Variants in FCHSD2 observed in about 807,000 individuals in gnomAD.
FCHSD2 encodes F-BAR and double SH3 domains protein 2.
Under a neutral mutation model 108.1 loss-of-function variants are expected in FCHSD2, and 38 were observed. The ratio of observed to expected loss-of-function variants is 0.35; its 90% confidence interval spans 0.27 to 0.46. The LOEUF (loss-of-function observed/expected upper bound fraction) is 0.46. FCHSD2 is among the 20% of genes least tolerant of loss of function. The pLI is 1.00. For synonymous variants in FCHSD2, 279 were observed against 314.7 expected, an observed-to-expected ratio of 0.89 and a Z score of 1.20; for missense variants, 751 against 897.8, an observed-to-expected ratio of 0.84 and a Z score of 2.09.
At chr11:72,853,749 T>C (rs1394389671) in intron 13 of FCHSD2, among the ~76,000 whole-genome samples, 2 of 151,964 alleles carry the variant, frequency 1.3e-5, no homozygotes, top group African/African-American at 4.8e-5. Flanking sequence ...AAATAAAAAA[T>C]ATGTATGCAT....
At chr11:72,923,937 C>T (rs1297356606) in intron 8 of FCHSD2, among the ~76,000 whole-genome samples, 2 of 152,024 alleles carry the variant, frequency 1.3e-5, no homozygotes, top group Non-Finnish European at 2.9e-5. Context: ...AAGACTCAGT[C>T]TCAGAAAATA....
At chr11:73,066,273 G>A (rs1859290362) in intron 3 of FCHSD2, among the ~76,000 whole-genome samples, 1 of 152,150 alleles carries the variant, frequency 6.6e-6, no homozygotes, top group South Asian at 2.1e-4. Context: ...AATAAATGTT[G>A]TTGGGAAAAC....
intron 3 of FCHSD2, chr11:73,077,772 T>C (rs1017696503): frequency 3.4e-6 from 1 of 294,192 alleles, no homozygotes; most frequent in African/African-American, 2.2e-5. Context: ...AGAGGGATTA[T>C]AAGGACACAC....
chr11:73,108,716 C>A (rs966555296), intron 2 of FCHSD2, among the ~76,000 whole-genome samples: 1 of 152,014 alleles, frequency 6.6e-6, no homozygotes, highest in African/African-American at 2.4e-5. Context: ...CTACAGGCGC[C>A]CGCCACCGCG....
At chr11:73,033,819 T>C (rs1236787394) in intron 3 of FCHSD2, among the ~76,000 whole-genome samples, 1 of 152,218 alleles carries the variant, frequency 6.6e-6, no homozygotes. Flanking sequence ...CTAGGTTAAG[T>C]AGGTTTTTTC....
intron 3 of FCHSD2, among the ~76,000 whole-genome samples, chr11:73,021,233 T>TAA (rs1183952789): frequency 1.2e-4 from 12 of 104,328 alleles, no homozygotes; most frequent in South Asian, 8.2e-4. Flanking sequence ...AAACATAGAA[T>TAA]AAAAAAAAAA....
rs754434724 is a variant in FCHSD2, at chr11:72,843,318, T to G, written c.1538A>C (p.Lys513Thr). The change falls in exon 16 of 20, where the codon AAA (lysine) becomes ACA (threonine). Residue 513 changes from lysine (K) to threonine (T), a missense_variant. Transcript: ENST00000409418. ...TGGCACATAACCCACTTGGCCAACT[T>G]TATTTCGAGCCTGGGTAAAAGACAT... ...DMEDWVKARN[K>T]VGQVGYVPEK... 2.5e-6 allele frequency: 4 copies of G among 1,613,414 alleles called. No homozygotes were observed. Among genetic ancestry groups the G allele is most frequent in the Middle Eastern group, 1.6e-4 (1 of 6,084 alleles).
chr11:73,137,561 T>C (rs976704017), intron 2 of FCHSD2, among the ~76,000 whole-genome samples: 1 of 152,188 alleles, frequency 6.6e-6, no homozygotes, highest in African/African-American at 2.4e-5. Context: ...GGTATAAAGA[T>C]ACAAAAATGA....
chr11:73,076,754 T>C (rs1859562292), intron 3 of FCHSD2, among the ~76,000 whole-genome samples: 1 of 152,162 alleles, frequency 6.6e-6, no homozygotes, highest in South Asian at 2.1e-4. Context: ...GGTGGGAAGC[T>C]ATAAATGAAC....
chr11:72,879,391 A>C (rs1855033649), intron 12 of FCHSD2, among the ~76,000 whole-genome samples: 1 of 152,210 alleles, frequency 6.6e-6, no homozygotes, highest in African/African-American at 2.4e-5. Flanking sequence ...ATTCAGTAAA[A>C]ACTTAGTAGG....
At chr11:72,947,113 C>A (rs1591425121) in intron 8 of FCHSD2, among the ~76,000 whole-genome samples, 1 of 152,240 alleles carries the variant, frequency 6.6e-6, no homozygotes, top group African/African-American at 2.4e-5. Context: ...CAGCTGCATG[C>A]CCCATGGGGC....
intron 2 of FCHSD2, among the ~76,000 whole-genome samples, chr11:73,087,788 A>G (rs1272542114): frequency 1.3e-5 from 2 of 152,168 alleles, no homozygotes; most frequent in East Asian, 3.8e-4. Context: ...AGCAGTATAC[A>G]TTAGTTTCCT....
chr11:73,092,576 A>G (rs1859983461), intron 2 of FCHSD2, among the ~76,000 whole-genome samples: 1 of 152,234 alleles, frequency 6.6e-6, no homozygotes, highest in African/African-American at 2.4e-5. Flanking sequence ...CATTGTAAAA[A>G]GTTCAAAAAA....
chr11:72,933,095 C>T (rs761733987), intron 8 of FCHSD2, among the ~76,000 whole-genome samples: 2 of 152,106 alleles, frequency 1.3e-5, no homozygotes, highest in African/African-American at 4.8e-5. Flanking sequence ...CTTCTTCTTC[C>T]TTCTAGCAAC....
chr11:73,137,408 G>A (rs1051149524), intron 2 of FCHSD2, among the ~76,000 whole-genome samples: 1 of 152,128 alleles, frequency 6.6e-6, no homozygotes, highest in African/African-American at 2.4e-5. Flanking sequence ...ACAAGATAGT[G>A]TAATTAAAGT....
In FCHSD2 at chr11:73,000,986, A is replaced by C; in HGVS notation, c.387+4T>G. 1.3e-6 allele frequency: 2 copies of C among 1,599,620 alleles called. No homozygotes were observed. The highest frequency in any genetic ancestry group is 1.7e-6 in the Non-Finnish European group (2 of 1,171,978). ...GCATATAAGAACAGAAATAAAAACA[A>C]TACCCTTTTTAGTTGCTGTTCTTTT... On this transcript the variant is annotated splice_donor_region_variant and intron_variant, in intron 5 of 19. Transcript: ENST00000409418.
rs1402710117 is a variant in FCHSD2, at chr11:72,837,375, AAGTTTTTT to A, written c.*1408_*1415del. ...CATGGGGACATTTGGCGAGCATTTC[AAGTTTTTT>A]AAGATTCTTAGGAGGGATGGAGTTT... On this transcript the variant is annotated 3_prime_UTR_variant, in exon 20 of 20. Coordinates refer to ENST00000409418, the MANE Select transcript of FCHSD2 (RefSeq NM_014824.3). 1.3e-5 allele frequency: 2 copies of A among 152,494 alleles called. No individual in the cohort carries two copies. The highest frequency in any genetic ancestry group is 2.9e-5 in the Non-Finnish European group (2 of 68,012). 9.4% of individuals were successfully genotyped at this position (152,494 alleles called of 1,614,324 possible). A position where few individuals can be genotyped will look rare whatever the true frequency, so the allele number is the denominator to read the frequency against.
chr11:73,122,834 G>C (rs1860765605), intron 2 of FCHSD2, among the ~76,000 whole-genome samples: 1 of 152,196 alleles, frequency 6.6e-6, no homozygotes, highest in Non-Finnish European at 1.5e-5. Flanking sequence ...TAGCTTTATA[G>C]TGTGGCTGTT....
At chr11:73,056,356 T>A (rs752246023) in intron 3 of FCHSD2, among the ~76,000 whole-genome samples, 18 of 152,178 alleles carry the variant, frequency 1.2e-4, no homozygotes, top group Non-Finnish European at 2.2e-4. Flanking sequence ...ACAGGAGTTA[T>A]TTTTTACTGC....
Sources: gnomAD v4.1 joint callset for allele counts (sites outside exome capture counted in the v4.1 genomes callset) on GRCh38, gnomAD v4.1.1 for gene constraint, MANE v1.5 for transcripts, NCBI Gene and HGNC (gene_info 2026-07-23, HGNC 2026-07-21) for gene names.